WDCP: variants seen among roughly 807,000 people sequenced by gnomAD.
WDCP encodes WD repeat and coiled coil containing, also known as WD repeat and coiled-coil-containing protein.
Under a neutral mutation model 41.6 loss-of-function variants are expected in WDCP, and 19 were observed. The ratio of observed to expected loss-of-function variants is 0.46; its 90% confidence interval spans 0.32 to 0.67. The LOEUF (loss-of-function observed/expected upper bound fraction) is 0.67. Among genes scored for constraint, WDCP ranks in the 30% least tolerant of loss-of-function variants. The pLI, the probability that WDCP is intolerant of heterozygous loss-of-function variation, is 0.04. For missense variants in WDCP, 802 were observed against 850.7 expected, an observed-to-expected ratio of 0.94 and a Z score of 0.71; for synonymous variants, 302 against 320.8, an observed-to-expected ratio of 0.94 and a Z score of 0.63.
chr2:24,031,730 G>A (rs1296408898), intron 3 of WDCP, among the ~76,000 whole-genome samples: 1 of 151,872 alleles, frequency 6.6e-6, no homozygotes, highest in Non-Finnish European at 1.5e-5. Flanking sequence ...GGAGGCTGAG[G>A]CAGGAGAATC....
chr2:24,034,822 A>C (rs567983413), intron 2 of WDCP, among the ~76,000 whole-genome samples: 1 of 152,114 alleles, frequency 6.6e-6, no homozygotes, highest in East Asian at 1.9e-4. Context: ...TGATCTACCC[A>C]TCTCGGCCTC....
chr2:24,037,873 C>A lies in WDCP; in HGVS notation c.1622G>T (p.Arg541Leu). ...TTGTAAGTTCTTTCTTTGAGGCAAA[C>A]GAGGAGGCTCCAGTGTGCTGGTGTG... The part of the protein sequence containing the change: ...PDHTSTLEPP[R>L]LPQRKNLQSE... Residue 541 changes from arginine (R) to leucine (L), a missense_variant, in exon 2 of 4, where the codon CGT becomes CTT. Transcript: ENST00000295148. The A allele has an allele frequency of 2.5e-6, 4 of 1,614,094 alleles. No homozygotes were observed. The highest frequency in any genetic ancestry group is 2.5e-6 in the Non-Finnish European group (3 of 1,180,012).
intron 2 of WDCP, among the ~76,000 whole-genome samples, chr2:24,035,866 T>C (rs923467467): frequency 2.6e-5 from 4 of 151,414 alleles, no homozygotes; most frequent in African/African-American, 4.9e-5. Context: ...GTCAGGAGAT[T>C]GAGCTCATCC....
chr2:24,031,244 GA>G, intron 3 of WDCP, 82 bp from the exon 4 acceptor site: 1 of 941,212 alleles, frequency 1.1e-6, no homozygotes, highest in Non-Finnish European at 1.6e-6. Flanking sequence ...TTTTTTTTCT[GA>G]GTGAAGGAAT....
intron 1 of WDCP, among the ~76,000 whole-genome samples, chr2:24,045,488 C>T (rs1250813135): frequency 6.6e-6 from 1 of 151,342 alleles, no homozygotes; most frequent in Non-Finnish European, 1.5e-5. Flanking sequence ...GTAGTTCCAG[C>T]TACTTGGGAG....
intron 2 of WDCP, among the ~76,000 whole-genome samples, chr2:24,037,050 C>T (rs1663277114): frequency 6.6e-6 from 1 of 152,228 alleles, no homozygotes; most frequent in Non-Finnish European, 1.5e-5. Flanking sequence ...TTCTTTGAGA[C>T]GGAGTCTCGC....
chr2:24,039,180 A>T lies in WDCP; in HGVS notation c.315T>A (p.Thr105=). The T allele has an allele frequency of 6.2e-7, 1 of 1,614,240 alleles. No homozygotes were observed. Among genetic ancestry groups the T allele is most frequent in the Non-Finnish European group, 8.5e-7 (1 of 1,180,042 alleles). ...TAGGTAGTGATCCTCTAATCTCACA[A>T]GTCTGAGACGTCAGCCATTTGCTTG... is the stretch of plus-strand genomic sequence containing the variant. ...MESSKWLTSQ[T]CEIRGSLPIL... The change falls in exon 2 of 4, where the codon ACT becomes ACA. Residue 105 remains threonine (T), a synonymous_variant. Coordinates refer to ENST00000295148, the MANE Select transcript of WDCP (RefSeq NM_025203.3).
rs1449560925 is a variant in WDCP, at chr2:24,037,869, C to A, written c.1626G>T (p.Leu542Phe). The change falls in exon 2 of 4, where the codon TTG (leucine) becomes TTT (phenylalanine). Residue 542 changes from leucine (L) to phenylalanine (F), a missense_variant. By Grantham distance (22) the Leu-to-Phe change is conservative. Around this residue, in one of 5 missense-constraint regions of WDCP, gnomAD observed 321 missense variants for 305.1 expected, o/e 1.05. Transcript: ENST00000295148. ...CACTTTGTAAGTTCTTTCTTTGAGG[C>A]AAACGAGGAGGCTCCAGTGTGCTGG... ...DHTSTLEPPR[L>F]PQRKNLQSEK... is the part of the protein sequence containing the mutation. 1.2e-6 allele frequency: 2 copies of A among 1,614,142 alleles called. No homozygotes were observed. The highest frequency in any genetic ancestry group is 2.7e-5 in the African/African-American group (2 of 75,022).
Position 24,037,747 on chromosome 2 carries a change from T to A in WDCP, c.1748A>T (p.His583Leu), listed in dbSNP as rs777764829. 6.2e-7 allele frequency: 1 copy of A among 1,614,248 alleles called. No homozygotes were observed. Among genetic ancestry groups the A allele is most frequent in the East Asian group, 2.2e-5 (1 of 44,892 alleles). The change falls in exon 2 of 4, where the codon CAT becomes CTT. Residue 583 changes from histidine (H) to leucine (L), a missense_variant. By Grantham distance (99) the His-to-Leu change is moderately conservative. Coordinates refer to ENST00000295148, the MANE Select transcript of WDCP (RefSeq NM_025203.3). ...CACTGAAGAGGATTTCTTCCCATTA[T>A]GCAGACGGTTTGTAAGTTCAGAAAG... The part of the protein sequence containing the change: ...RCLSELTNRL[H>L]NGKKSSSVYP...
rs1663058834 is a variant in WDCP at position 24,029,973 on chromosome 2, T to C, written c.*960A>G. On this transcript the variant is annotated 3_prime_UTR_variant, in exon 4 of 4. Coordinates refer to ENST00000295148, the MANE Select transcript of WDCP (RefSeq NM_025203.3). ...CTTTTTAGGACTACCTCAGATTCGG[T>C]TGAATTTCTAACTTCCTGAAATACT... 1.3e-5 allele frequency: 2 copies of C among 152,594 alleles called. No homozygotes were observed. The highest frequency in any genetic ancestry group is 2.9e-5 in the Non-Finnish European group (2 of 68,030). The allele number at this position is 152,594 out of a possible 1,614,324, so 9.5% of individuals were successfully genotyped here. A position where few individuals can be genotyped will look rare whatever the true frequency, so the allele number is the denominator to read the frequency against.
rs116230547 is a variant in WDCP, at chr2:24,030,856, G to T, written c.*77C>A. 148 of 1,123,174 alleles carry T rather than the reference G, an allele frequency of 1.3e-4. No individual in the cohort carries two copies. In the African/African-American group the frequency reaches 2.0e-3, roughly 15 times the overall value. 69.6% of individuals were successfully genotyped at this position (1,123,174 alleles called of 1,614,324 possible). ...CCTGAGTGCAGTGGGAGTCTCATTG[G>T]CGAGTGTCCAGTGTCAAGCAGGCCT... is the stretch of plus-strand genomic sequence containing the variant. On this transcript the variant is annotated 3_prime_UTR_variant, in exon 4 of 4. Coordinates refer to ENST00000295148, the MANE Select transcript of WDCP (RefSeq NM_025203.3).
chr2:24,043,716 C>A lies in WDCP; in HGVS notation c.-19+3598G>T, dbSNP rs115412970. On this transcript the variant is annotated intron_variant, in intron 1 of 3. Coordinates refer to ENST00000295148, the MANE Select transcript of WDCP (RefSeq NM_025203.3). ...CTTCCCTGTCACTGAATCTAAATGA[C>A]ATTTTTCAGCCTTGTTTTACTGAGT... Among the ~76,000 whole-genome samples, 1,405 of 152,280 alleles carry A rather than the reference C, an allele frequency of 9.2e-3. 12 individuals are homozygous for A. The highest frequency in any genetic ancestry group is 0.014 in the Non-Finnish European group (944 of 68,018).
chr2:24,046,727 A>C (rs1227122723), intron 1 of WDCP, among the ~76,000 whole-genome samples: 1 of 152,210 alleles, frequency 6.6e-6, no homozygotes, highest in Non-Finnish European at 1.5e-5. Flanking sequence ...ATCATACACA[A>C]GAAAAAAATT....
Position 24,037,905 on chromosome 2 carries a change from T to C in WDCP, c.1590A>G (p.Thr530=), listed in dbSNP as rs760598586. Residue 530 remains threonine (T), a synonymous_variant, in exon 2 of 4, where the codon ACA becomes ACG. Coordinates refer to ENST00000295148, the MANE Select transcript of WDCP (RefSeq NM_025203.3). ...GCTCCAGTGTGCTGGTGTGGTCTGG[T>C]GTGCTGCTGTGTCTGGGCAGCGATG... is the stretch of plus-strand genomic sequence containing the variant. ...QPASLPRHSS[T]PDHTSTLEPP... 1.2e-6 allele frequency: 2 copies of C among 1,614,156 alleles called. No homozygotes were observed. Among genetic ancestry groups the C allele is most frequent in the East Asian group, 2.2e-5 (1 of 44,888 alleles).
chr2:24,038,244 TGAA>T lies in WDCP; in HGVS notation c.1248_1250del (p.Ser417del), dbSNP rs779839489. The T allele has an allele frequency of 6.2e-7, 1 of 1,614,190 alleles. No individual in the cohort carries two copies. The highest frequency in any genetic ancestry group is 8.5e-7 in the Non-Finnish European group (1 of 1,180,006). On this transcript the variant is annotated inframe_deletion, in exon 2 of 4. Transcript: ENST00000295148. ...AGCTAATGGCATACTGATCAGACTT[TGAA>T]GAAGGAAGAAATGTTGTATCAGTGA... is the stretch of plus-strand genomic sequence containing the variant.
At chr2:24,037,490 G>A (rs1233950164) in intron 2 of WDCP, among the ~76,000 whole-genome samples, 187 bp downstream of exon 2, 4 of 152,134 alleles carry the variant, frequency 2.6e-5, no homozygotes, top group Admixed American at 2.0e-4. Context: ...TGATATGTGC[G>A]CCTATCTGGT....
At chr2:24,046,643 A>T (rs1419812606) in intron 1 of WDCP, among the ~76,000 whole-genome samples, 1 of 152,164 alleles carries the variant, frequency 6.6e-6, no homozygotes, top group Non-Finnish European at 1.5e-5. Flanking sequence ...TCCCTCCCCC[A>T]ACTTGTTTTC....
At chr2:24,045,090 A>T (rs1663570155) in intron 1 of WDCP, among the ~76,000 whole-genome samples, 1 of 152,236 alleles carries the variant, frequency 6.6e-6, no homozygotes, top group African/African-American at 2.4e-5. Context: ...AAAGTTGACA[A>T]GTAATTTGAA....
In WDCP at chr2:24,039,227, GC is replaced by G; in HGVS notation, c.267del (p.Gln89HisfsTer13). ...CTTGACTCCATAGGGCTGGGACACA[GC>G]TGCCACACAGTGACATGCTTCTCAT... is the stretch of plus-strand genomic sequence containing the variant. ...VQHEKHVTVW[Q>X]LCPSPMESSK... On this transcript the variant is annotated frameshift_variant, in exon 2 of 4. Coordinates refer to ENST00000295148, the MANE Select transcript of WDCP (RefSeq NM_025203.3). LOFTEE classifies it high-confidence loss of function. 6.2e-7 allele frequency: 1 copy of G among 1,614,234 alleles called. No homozygotes were observed. The highest frequency in any genetic ancestry group is 1.1e-5 in the South Asian group (1 of 91,086).
Sources: gnomAD v4.1 joint callset for allele counts (sites outside exome capture counted in the v4.1 genomes callset) on GRCh38, gnomAD v4.1.1 for gene constraint, gnomAD v4.1.1 regional missense constraint, MANE v1.5 for transcripts, NCBI Gene and HGNC (gene_info 2026-07-23, HGNC 2026-07-21) for gene names.